EGFLAM: variants seen among roughly 807,000 people sequenced by gnomAD.
The protein encoded by EGFLAM is pikachurin.
Under a neutral mutation model 113.1 loss-of-function variants are expected in EGFLAM, and 79 were observed. That is an observed-to-expected ratio of 0.70 (90% CI 0.58 to 0.84). The LOEUF (loss-of-function observed/expected upper bound fraction) is 0.84. Ranked by LOEUF, EGFLAM falls within the 40% of genes least tolerant of loss-of-function variation. The pLI, the probability that EGFLAM is intolerant of heterozygous loss-of-function variation, is 0.00. For synonymous variants in EGFLAM, 504 were observed against 487.6 expected (o/e 1.03, Z -0.44); for missense variants, 1,265 against 1,291.6 (o/e 0.98, Z 0.32).
At chr5:38,382,940 A>G (rs996475223) in intron 6 of EGFLAM, among the ~76,000 whole-genome samples, 25 of 152,186 alleles carry the variant, frequency 1.6e-4, no homozygotes, top group African/African-American at 5.3e-4. Context: ...GATGTTGATC[A>G]CAGGATCCTT....
intron 20 of EGFLAM, among the ~76,000 whole-genome samples, chr5:38,460,477 G>T (rs746644296): frequency 4.6e-5 from 7 of 152,176 alleles, no homozygotes; most frequent in Non-Finnish European, 8.8e-5. Flanking sequence ...TAGGATTTCA[G>T]ATGTTTGGGA....
At chr5:38,268,871 A>G (rs1423426990) in intron 1 of EGFLAM, among the ~76,000 whole-genome samples, 1 of 152,184 alleles carries the variant, frequency 6.6e-6, no homozygotes, top group East Asian at 1.9e-4. Context: ...ACATTTTACA[A>G]AAGGTAAAAT....
chr5:38,295,127 G>A (rs55738332), intron 1 of EGFLAM, among the ~76,000 whole-genome samples: 28,478 of 152,038 alleles, frequency 0.19, 3,179 homozygotes, highest in African/African-American at 0.3. Context: ...GCGCCTGGCC[G>A]CAACTCATTC....
intron 6 of EGFLAM, among the ~76,000 whole-genome samples, chr5:38,395,247 T>TC (rs1345922356): frequency 1.3e-5 from 2 of 149,844 alleles, no homozygotes; most frequent in African/African-American, 4.9e-5. Context: ...GCCTTTTTTT[T>TC]TTTTTTTTTT....
At chr5:38,436,814 C>G (rs1388391184) in intron 16 of EGFLAM, among the ~76,000 whole-genome samples, 1 of 152,218 alleles carries the variant, frequency 6.6e-6, no homozygotes, top group Non-Finnish European at 1.5e-5. Flanking sequence ...CACTTGCAGC[C>G]TGAAAGGGGG....
intron 3 of EGFLAM, among the ~76,000 whole-genome samples, chr5:38,343,374 C>T (rs542450612): frequency 1.3e-5 from 2 of 148,390 alleles, no homozygotes; most frequent in African/African-American, 5.0e-5. Context: ...CCATTGCACT[C>T]TAGCCTGGGC....
intron 12 of EGFLAM, among the ~76,000 whole-genome samples, chr5:38,421,753 A>G (rs1356383121): frequency 6.6e-6 from 1 of 152,190 alleles, no homozygotes; most frequent in East Asian, 1.9e-4. Flanking sequence ...GGCCAGGGAA[A>G]GAGTTTCTCA....
At chr5:38,375,072 T>TC in intron 6 of EGFLAM, among the ~76,000 whole-genome samples, 1 of 151,754 alleles carries the variant, frequency 6.6e-6, no homozygotes, top group East Asian at 1.9e-4. Context: ...TTTTTTTTTT[T>TC]TTTTTTGGCT....
chr5:38,376,891 G>A (rs1372718084), intron 6 of EGFLAM, among the ~76,000 whole-genome samples: 4 of 152,040 alleles, frequency 2.6e-5, no homozygotes, highest in African/African-American at 7.3e-5. Flanking sequence ...GGCTGGTCTC[G>A]AATTCTTGGG....
chr5:38,408,874 T>C, intron 9 of EGFLAM, 130 bp from the exon 10 acceptor site: 1 of 780,084 alleles, frequency 1.3e-6, no homozygotes. Flanking sequence ...GGAGCCCACA[T>C]GCTTGACCCT....
intron 20 of EGFLAM, 95 bp downstream of exon 20, chr5:38,458,489 A>G (rs1218343395): frequency 1.4e-5 from 17 of 1,241,970 alleles, no homozygotes; most frequent in Non-Finnish European, 1.9e-5. Context: ...CTGTTCCCCA[A>G]CTTTGCCTGG....
intron 17 of EGFLAM, among the ~76,000 whole-genome samples, chr5:38,440,528 C>T (rs748017521): frequency 1.1e-4 from 16 of 151,992 alleles, no homozygotes; most frequent in Admixed American, 2.6e-4. Flanking sequence ...AAGAGATGGG[C>T]GATTATGTTG....
intron 1 of EGFLAM, chr5:38,284,088 C>G (rs183584935): frequency 1.3e-5 from 2 of 152,406 alleles, no homozygotes; most frequent in East Asian, 3.9e-4. Context: ...TCAGCCGACT[C>G]CAAAGTGAGG....
chr5:38,463,196 C>T (rs1157986932), intron 21 of EGFLAM, among the ~76,000 whole-genome samples, 185 bp downstream of exon 21: 2 of 152,150 alleles, frequency 1.3e-5, no homozygotes, highest in East Asian at 3.9e-4. Context: ...GGAAGGGCTC[C>T]CTTCGATGCT....
At chr5:38,397,931 G>C (rs1430595153) in intron 6 of EGFLAM, among the ~76,000 whole-genome samples, 3 of 152,198 alleles carry the variant, frequency 2.0e-5, no homozygotes, top group African/African-American at 4.8e-5. Context: ...TCACATCAAG[G>C]ACCCTCAGAG....
At chr5:38,304,523 A>C (rs1020248520) in intron 1 of EGFLAM, among the ~76,000 whole-genome samples, 3 of 152,178 alleles carry the variant, frequency 2.0e-5, no homozygotes, top group Non-Finnish European at 2.9e-5. Context: ...TTGTTCCTTT[A>C]GGTAGGATAT....
In EGFLAM at chr5:38,464,642, G is replaced by A. The variant is rs1375876206; in HGVS notation, c.*656G>A. 1 of 152,236 alleles carries A rather than the reference G, an allele frequency of 6.6e-6. No homozygotes were observed. The highest frequency in any genetic ancestry group is 1.5e-5 in the Non-Finnish European group (1 of 68,066). 9.4% of individuals were successfully genotyped at this position (152,236 alleles called of 1,614,324 possible). ...TTATAATGCAGAGTTAAGGAGCTGA[G>A]CCCCCATGATTTTGTAGCTGTACTT... On this transcript the variant is annotated 3_prime_UTR_variant, in exon 22 of 22. Transcript: ENST00000322350.
At chr5:38,456,754 A>G (rs373681982) in intron 19 of EGFLAM, among the ~76,000 whole-genome samples, 12 of 151,676 alleles carry the variant, frequency 7.9e-5, no homozygotes, top group African/African-American at 2.9e-4. Context: ...TAACTCATCC[A>G]GATTTTCTCT....
chr5:38,408,757 G>A (rs1297386485), intron 9 of EGFLAM, among the ~76,000 whole-genome samples: 1 of 152,210 alleles, frequency 6.6e-6, no homozygotes, highest in Non-Finnish European at 1.5e-5. Flanking sequence ...TAAAGAGCGG[G>A]TCAAAGATGG....
Sources: allele counts gnomAD v4.1 joint callset (sites outside exome capture counted in the v4.1 genomes callset), GRCh38; gene constraint gnomAD v4.1.1; transcripts MANE v1.5; gene names NCBI Gene and HGNC (gene_info 2026-07-23, HGNC 2026-07-21).